PROM2: variants seen among roughly 807,000 people sequenced by gnomAD.
PROM2 encodes the protein prominin 2.
A neutral mutation model predicts 110.2 loss-of-function variants in PROM2; 90 were observed. The observed-to-expected ratio is 0.82, with a 90% confidence interval of 0.69 to 0.97. The LOEUF (loss-of-function observed/expected upper bound fraction) is 0.97, where lower values mean the gene tolerates loss of function less well. Ranked by LOEUF, PROM2 falls within the 50% of genes least tolerant of loss-of-function variation. PROM2 has a pLI of 0.00. For missense variants in PROM2, 1,009 were observed against 1,074.8 expected (o/e 0.94, Z 0.86); for synonymous variants, 470 against 467.8 (o/e 1.00, Z -0.06).
chr2:95,274,516 GA>G lies in PROM2; in HGVS notation c.-68del. ...TGTGGAGAGAGGGACAGAGGCTGGA[GA>G]AGGATGTATGGCCTGCCCTGGGCTT... On this transcript the variant is annotated 5_prime_UTR_variant, in exon 1 of 24. Coordinates refer to ENST00000317620, the MANE Select transcript of PROM2 (RefSeq NM_001165978.3). 1 of 1,485,178 alleles carries G rather than the reference GA, an allele frequency of 6.7e-7. No individual in the cohort carries two copies. Among genetic ancestry groups the G allele is most frequent in the Non-Finnish European group, 9.0e-7 (1 of 1,115,260 alleles). 92.0% of individuals were successfully genotyped at this position (1,485,178 alleles called of 1,614,324 possible).
chr2:95,283,771 T>TTTCTTTCATTCA (rs1677181817), intron 14 of PROM2, among the ~76,000 whole-genome samples: 1 of 149,674 alleles, frequency 6.7e-6, no homozygotes, highest in Non-Finnish European at 1.5e-5. Flanking sequence ...GAAAATACAG[T>TTTCTTTCATTCA]TTCATTCATT....
At position 95,274,833 on chromosome 2, in the gene PROM2, A is replaced by C. The variant is rs748613828; in HGVS notation, c.244+4A>C. On this transcript the variant is annotated splice_donor_region_variant and intron_variant, in intron 1 of 23. Coordinates refer to ENST00000317620, the MANE Select transcript of PROM2 (RefSeq NM_001165978.3). ...CAGCTCAATCCTTTCCCTTCAGGTG[A>C]GTGTGCCCCTCCCCCATGAGGGCCT... The C allele has an allele frequency of 2.6e-6, 4 of 1,544,050 alleles. No homozygotes were observed. Among genetic ancestry groups the C allele is most frequent in the Middle Eastern group, 3.5e-4 (2 of 5,748 alleles).
intron 8 of PROM2, chr2:95,278,263 G>A (rs1031733456): frequency 3.0e-5 from 17 of 571,222 alleles, no homozygotes; most frequent in South Asian, 8.7e-5. Context: ...GAGGGCAGGC[G>A]GCTCCCCTGG....
At position 95,287,256 on chromosome 2, in the gene PROM2, T is replaced by G. The variant is rs1325454983; in HGVS notation, c.2175+43T>G. 5 of 1,600,654 alleles carry G rather than the reference T, an allele frequency of 3.1e-6. No homozygotes were observed. In the South Asian group the frequency reaches 5.5e-5, roughly 18 times the overall value. ...CAGGGAAGGGGCTTCCACCCCAGGCTTCTCCAGTCCCAGCTTCTCACTGTG... is the reference window on the plus strand; with the variant it reads ...CAGGGAAGGGGCTTCCACCCCAGGCGTCTCCAGTCCCAGCTTCTCACTGTG... On this transcript the variant is annotated intron_variant, in intron 19 of 23. Coordinates refer to ENST00000317620, the MANE Select transcript of PROM2 (RefSeq NM_001165978.3).
rs1676589581 is a variant in PROM2 at position 95,275,444 on chromosome 2, T to C, written c.245-17T>C. The C allele has an allele frequency of 6.2e-7, 1 of 1,608,456 alleles. No individual in the cohort carries two copies. Among genetic ancestry groups the C allele is most frequent in the South Asian group, 1.1e-5 (1 of 90,084 alleles). On this transcript the variant is annotated splice_polypyrimidine_tract_variant and intron_variant, in intron 1 of 23. Coordinates refer to ENST00000317620, the MANE Select transcript of PROM2 (RefSeq NM_001165978.3). This position sits in a 1 kb window ranked among gnomAD's most constrained non-coding sequence, Gnocchi z 4.4. ...CAGTGGCTGTCCCCAAATCCTCAGC[T>C]TGGCTCTTTCCCATAGAGTTGGTAA...
In PROM2 at chr2:95,286,479, G is replaced by A. The variant is rs758174402; in HGVS notation, c.1948G>A (p.Asp650Asn). Residue 650 changes from aspartate to asparagine, a missense_variant and splice_region_variant, in exon 17 of 24, where the codon GAC (aspartate) becomes AAC (asparagine). Coordinates refer to ENST00000317620, the MANE Select transcript of PROM2 (RefSeq NM_001165978.3). Reference protein sequence around the residue: ...QELQGLAQAQDNSVLGQRLQE... With the variant: ...QELQGLAQAQNNSVLGQRLQE... ...CGTTCTGATTTTTGTATCCTTTCAG[G>A]ACAATTCTGTGCTGGGGCAGCGGCT... 2 of 1,613,618 alleles carry A rather than the reference G, an allele frequency of 1.2e-6. No individual in the cohort carries two copies. The highest frequency in any genetic ancestry group is 4.5e-5 in the East Asian group (2 of 44,858).
At position 95,277,453 on chromosome 2, in the gene PROM2, C is replaced by A; in HGVS notation, c.862C>A (p.Arg288=). ...GCAGCAGGACCTGGAGCCAGCCATCCGGGAACACCGGGACCGCCTCCTTGA... is the reference window on the plus strand; with the variant it reads ...GCAGCAGGACCTGGAGCCAGCCATCAGGGAACACCGGGACCGCCTCCTTGA... ...AGQQDLEPAI[R]EHRDRLLELL... The change falls in exon 7 of 24, where the codon CGG becomes AGG. Residue 288 remains arginine, a synonymous_variant. Transcript: ENST00000317620. The A allele has an allele frequency of 6.2e-7, 1 of 1,613,126 alleles. No individual in the cohort carries two copies. The highest frequency in any genetic ancestry group is 1.3e-5 in the African/African-American group (1 of 75,006).
At chr2:95,280,998 C>T (rs1414418209) in intron 11 of PROM2, among the ~76,000 whole-genome samples, 3 of 152,174 alleles carry the variant, frequency 2.0e-5, no homozygotes, top group African/African-American at 7.2e-5. Flanking sequence ...CTCTAGGCTG[C>T]CAGGGCCAGC....
Position 95,283,180 on chromosome 2 carries a change from C to G in PROM2, c.1728+954C>G, listed in dbSNP as rs566205056. On this transcript the variant is annotated intron_variant, in intron 14 of 23. Coordinates refer to ENST00000317620, the MANE Select transcript of PROM2 (RefSeq NM_001165978.3). ...CTGAGACACTGCCCTGTGGAGGAAG[C>G]CTGGCCAGGGAGGGATGAACCAGGG... is the stretch of plus-strand genomic sequence containing the variant. Among the ~76,000 whole-genome samples the G allele has an allele frequency of 3.9e-5, 6 of 152,340 alleles. No homozygotes were observed. In the East Asian group the frequency reaches 1.2e-3, roughly 29 times the overall value.
intron 14 of PROM2, among the ~76,000 whole-genome samples, chr2:95,283,597 G>T (rs543914229): frequency 3.9e-5 from 6 of 152,162 alleles, no homozygotes; most frequent in Non-Finnish European, 7.3e-5. Context: ...GGAGGGATGC[G>T]GGGAGGAGAG....
chr2:95,287,071 G>A, intron 18 of PROM2, 62 bp from the exon 19 acceptor site: 1 of 1,482,172 alleles, frequency 6.7e-7, no homozygotes, highest in South Asian at 1.1e-5. Flanking sequence ...TGTGGTGTGT[G>A]TTGAATTAAT....
chr2:95,282,408 G>A (rs779133051), intron 14 of PROM2, among the ~76,000 whole-genome samples, 182 bp downstream of exon 14: 2 of 152,194 alleles, frequency 1.3e-5, no homozygotes, highest in Admixed American at 6.5e-5. Flanking sequence ...GGGTGTGTAG[G>A]TGGGTCCGTG....
rs1425210469 is a variant in PROM2, at chr2:95,281,366, G to A, written c.1551+1G>A. On this transcript the variant is annotated splice_donor_variant, in intron 12 of 23. Coordinates refer to ENST00000317620, the MANE Select transcript of PROM2 (RefSeq NM_001165978.3). LOFTEE classifies it high-confidence loss of function. ...CTGGGAGAACGGCGAGCTCTTTGAG[G>A]TAGGCCTGTCTCTGCTCACAGGCCC... 4.4e-6 allele frequency: 7 copies of A among 1,592,202 alleles called. 1 individual carries two copies. In the South Asian group the frequency reaches 5.5e-5, roughly 13 times the overall value.
Position 95,276,730 on chromosome 2 carries a change from T to A in PROM2, c.682+73T>A. The A allele has an allele frequency of 6.7e-7, 1 of 1,491,804 alleles. No individual in the cohort carries two copies. Among genetic ancestry groups the A allele is most frequent in the Non-Finnish European group, 9.3e-7 (1 of 1,075,248 alleles). 92.4% of individuals were successfully genotyped at this position (1,491,804 alleles called of 1,614,324 possible). On this transcript the variant is annotated intron_variant, in intron 5 of 23. Transcript: ENST00000317620. The surrounding 1 kb of genome is among the most constrained non-coding windows in gnomAD (Gnocchi z 4.6). ...CTGCTCGGGTGCCTCGGTGGGGGCC[T>A]CTCACTCCCTCATTCTGGACACCCC... is the stretch of plus-strand genomic sequence containing the variant.
intron 20 of PROM2, 95 bp downstream of exon 20, chr2:95,287,559 G>T (rs913726291): frequency 2.3e-6 from 3 of 1,318,474 alleles, no homozygotes; most frequent in Non-Finnish European, 3.2e-6. Context: ...GAGCCCCTTG[G>T]GGGTGACCCA....
chr2:95,286,379 G>C, intron 16 of PROM2, 100 bp from the exon 17 acceptor site: 2 of 1,048,758 alleles, frequency 1.9e-6, no homozygotes, highest in Non-Finnish European at 2.9e-6. Flanking sequence ...CTGCCTCTGA[G>C]CCCAGCACTC....
chr2:95,285,814 C>T (rs1469831269), intron 16 of PROM2, 104 bp downstream of exon 16: 21 of 1,123,004 alleles, frequency 1.9e-5, no homozygotes, highest in Non-Finnish European at 2.6e-5. Context: ...AACTGAGGAC[C>T]CCCACCAGTG....
At chr2:95,288,436 G>T in intron 21 of PROM2, 47 bp from the exon 22 acceptor site, 1 of 1,597,646 alleles carries the variant, frequency 6.3e-7, no homozygotes. Flanking sequence ...GCTGGGTGAG[G>T]CTGGGTGCCA....
chr2:95,279,291 T>G (rs1392103546), intron 10 of PROM2, 147 bp downstream of exon 10: 1 of 689,258 alleles, frequency 1.5e-6, no homozygotes, highest in Non-Finnish European at 2.2e-6. Flanking sequence ...TGTTTGTTTT[T>G]GTTTTTTTCA....
Sources: allele counts gnomAD v4.1 joint callset (sites outside exome capture counted in the v4.1 genomes callset), GRCh38; gene constraint gnomAD v4.1.1; non-coding constraint Gnocchi (gnomAD v3.1); transcripts MANE v1.5; gene names NCBI Gene and HGNC (gene_info 2026-07-23, HGNC 2026-07-21).